Variants in MAP3K5 observed in about 807,000 individuals in gnomAD.
MAP3K5 encodes the protein ASK-1.
Under a neutral mutation model 158.7 loss-of-function variants are expected in MAP3K5, and 56 were observed. The ratio of observed to expected loss-of-function variants is 0.35; its 90% CI spans 0.28 to 0.44. The LOEUF (loss-of-function observed/expected upper bound fraction) is 0.44. MAP3K5 is among the 20% of genes least tolerant of loss of function. MAP3K5 has a pLI of 1.00. For missense variants in MAP3K5, 1,294 were observed against 1,674.8 expected, an observed-to-expected ratio of 0.77 and a Z score of 3.97; for synonymous variants, 579 against 601.7, an observed-to-expected ratio of 0.96 and a Z score of 0.55.
chr6:136,713,300 G>A (rs191072407), intron 2 of MAP3K5, among the ~76,000 whole-genome samples: 2 of 152,318 alleles, frequency 1.3e-5, no homozygotes, highest in East Asian at 3.9e-4. Flanking sequence ...ATGGCATTGT[G>A]CATCGCCTCT....
chr6:136,766,200 A>G (rs1783960854), intron 1 of MAP3K5, among the ~76,000 whole-genome samples: 1 of 152,190 alleles, frequency 6.6e-6, no homozygotes, highest in African/African-American at 2.4e-5. Flanking sequence ...GTGTATAAAC[A>G]CTAAGCCTAC....
At chr6:136,663,102 T>C (rs1299452382) in intron 8 of MAP3K5, among the ~76,000 whole-genome samples, 2 of 152,172 alleles carry the variant, frequency 1.3e-5, no homozygotes, top group African/African-American at 4.8e-5. Context: ...ATGTTAACTC[T>C]CTCAATCCAT....
intron 1 of MAP3K5, among the ~76,000 whole-genome samples, chr6:136,742,083 T>G (rs533072944): frequency 2.4e-4 from 36 of 152,328 alleles, no homozygotes; most frequent in Admixed American, 2.1e-3. Flanking sequence ...ATTTGACCTA[T>G]ATATTCAATG....
intron 1 of MAP3K5, among the ~76,000 whole-genome samples, chr6:136,763,818 T>C (rs1448778313): frequency 6.6e-6 from 1 of 152,108 alleles, no homozygotes; most frequent in Non-Finnish European, 1.5e-5. Flanking sequence ...TCTGCTCTCA[T>C]GAATGGATTA....
chr6:136,656,059 C>T, intron 10 of MAP3K5: 1 of 444,694 alleles, frequency 2.2e-6, no homozygotes, highest in South Asian at 2.3e-5. Context: ...AAGTACACTC[C>T]ACCACTTATC....
intron 7 of MAP3K5, among the ~76,000 whole-genome samples, chr6:136,673,330 A>G (rs1779564687): frequency 6.6e-6 from 1 of 152,222 alleles, no homozygotes. Context: ...CCAAGTCTCA[A>G]TAGTTTTTTA....
chr6:136,665,764 G>T lies in MAP3K5; in HGVS notation c.1366+3519C>A, dbSNP rs1263570342. ...TCGGAAAAGTTGGTCACTTCCATAG[G>T]TGACAAAGGAGTTTTTCAGTGGTTG... On this transcript the variant is annotated intron_variant, in intron 8 of 29. Coordinates refer to ENST00000359015, the MANE Select transcript of MAP3K5 (RefSeq NM_005923.4). 3.3e-5 allele frequency among the ~76,000 whole-genome samples: 5 copies of T among 152,246 alleles called. No homozygotes were observed. The East Asian group carries it at 9.6e-4, about 29-fold the overall frequency.
chr6:136,593,052 T>C (rs996383356), intron 21 of MAP3K5, among the ~76,000 whole-genome samples: 1 of 152,188 alleles, frequency 6.6e-6, no homozygotes, highest in Non-Finnish European at 1.5e-5. Flanking sequence ...TTGGTTGGGA[T>C]GAGTGAGTGG....
At chr6:136,792,544 C>CCCT (rs1785132673), upstream of MAP3K5, 1 of 24,360 alleles carries the variant, frequency 4.1e-5, no homozygotes, top group African/African-American at 1.9e-4. The surrounding 1 kb of genome is among the most constrained non-coding windows in gnomAD (Gnocchi z 5.7). Context: ...TCGCCACCCG[C>CCCT]CGCGCCGCGC....
intron 7 of MAP3K5, among the ~76,000 whole-genome samples, chr6:136,689,698 T>A (rs1780306797): frequency 6.6e-6 from 1 of 152,172 alleles, no homozygotes; most frequent in South Asian, 2.1e-4. Flanking sequence ...TCTTTCCCCT[T>A]CTGCCATGAG....
chr6:136,663,456 C>G (rs1361979679), intron 8 of MAP3K5, among the ~76,000 whole-genome samples: 2 of 152,062 alleles, frequency 1.3e-5, no homozygotes, highest in African/African-American at 4.8e-5. Context: ...TTGCACCTAA[C>G]AAAAACAATT....
intron 1 of MAP3K5, among the ~76,000 whole-genome samples, chr6:136,772,107 G>T (rs1378992972): frequency 6.9e-6 from 1 of 144,000 alleles, no homozygotes; most frequent in Non-Finnish European, 1.5e-5. Flanking sequence ...ATGGGGGGGG[G>T]GGGTTTACCA....
intron 23 of MAP3K5, among the ~76,000 whole-genome samples, chr6:136,590,635 G>C (rs904918753): frequency 4.0e-5 from 6 of 151,770 alleles, no homozygotes; most frequent in Admixed American, 3.9e-4. Flanking sequence ...CCGCCTCCAG[G>C]GTTCACGCCA....
chr6:136,734,376 T>C (rs896502142), intron 1 of MAP3K5, among the ~76,000 whole-genome samples: 11 of 122,060 alleles, frequency 9.0e-5, no homozygotes, highest in African/African-American at 2.9e-4. Context: ...GCAGAGATCA[T>C]GGCACTGCAC....
chr6:136,773,467 T>C (rs1784290775), intron 1 of MAP3K5, among the ~76,000 whole-genome samples: 1 of 152,230 alleles, frequency 6.6e-6, no homozygotes, highest in Non-Finnish European at 1.5e-5. Context: ...CAGTTATTTC[T>C]CTGAAACATT....
intron 25 of MAP3K5, among the ~76,000 whole-genome samples, chr6:136,577,106 A>T (rs933250952): frequency 1.3e-5 from 2 of 152,164 alleles, no homozygotes; most frequent in African/African-American, 4.8e-5. Context: ...TATACTTTTT[A>T]AAATTTGTGG....
At chr6:136,631,860 G>A (rs896047548) in intron 14 of MAP3K5, among the ~76,000 whole-genome samples, 1 of 152,118 alleles carries the variant, frequency 6.6e-6, no homozygotes, top group Non-Finnish European at 1.5e-5. Flanking sequence ...ATCCTGCCAT[G>A]GGACATTAAC....
chr6:136,585,328 G>A (rs1174232781), intron 23 of MAP3K5, among the ~76,000 whole-genome samples: 2 of 151,372 alleles, frequency 1.3e-5, no homozygotes, highest in East Asian at 3.9e-4. Context: ...AAGTTGCCCA[G>A]GCTGGTCTCA....
intron 25 of MAP3K5, among the ~76,000 whole-genome samples, chr6:136,568,857 CAAAAAAAAAAA>C (rs60185973): frequency 1.3e-4 from 6 of 45,944 alleles, no homozygotes; most frequent in Admixed American, 7.3e-4. Context: ...GAGTCTGTCT[CAAAAAAAAAAA>C]AAAAAAAAAA....
Sources: allele counts gnomAD v4.1 joint callset (sites outside exome capture counted in the v4.1 genomes callset), GRCh38; gene constraint gnomAD v4.1.1; non-coding constraint Gnocchi (gnomAD v3.1); transcripts MANE v1.5; gene names NCBI Gene and HGNC (gene_info 2026-07-23, HGNC 2026-07-21).